Variants in THSD7B observed in about 807,000 individuals in gnomAD.
THSD7B encodes thrombospondin type-1 domain-containing protein 7B.
In THSD7B, 138 loss-of-function variants were observed where a neutral mutation model predicts 213.6. The observed-to-expected ratio is 0.65, with a 90% CI of 0.56 to 0.74. The LOEUF is 0.74. THSD7B is among the 30% of genes least tolerant of loss of function. The pLI is 0.00. For synonymous variants in THSD7B, 742 were observed against 687.0 expected (o/e 1.08, Z -1.25); for missense variants, 1,931 against 1,991.5 (o/e 0.97, Z 0.58).
intron 15 of THSD7B, among the ~76,000 whole-genome samples, chr2:137,464,755 A>C (rs1475512623): frequency 6.6e-6 from 1 of 151,900 alleles, no homozygotes; most frequent in African/African-American, 2.4e-5. Context: ...AAAATTATTT[A>C]TTTATTTATT....
intron 15 of THSD7B, among the ~76,000 whole-genome samples, chr2:137,453,416 G>T (rs1230296590): frequency 1.5e-5 from 2 of 130,594 alleles, no homozygotes; most frequent in East Asian, 4.6e-4. Flanking sequence ...TGCAAGCTCT[G>T]CCTCCTGGGT....
intron 2 of THSD7B, among the ~76,000 whole-genome samples, chr2:136,927,585 G>A (rs1267022979): frequency 6.6e-6 from 1 of 152,202 alleles, no homozygotes; most frequent in Non-Finnish European, 1.5e-5. Flanking sequence ...GCTTAATTTT[G>A]TCAAACTGCA....
At chr2:137,071,750 T>G (rs911755221) in intron 3 of THSD7B, among the ~76,000 whole-genome samples, 1 of 152,160 alleles carries the variant, frequency 6.6e-6, no homozygotes, top group South Asian at 2.1e-4. Context: ...GGTCTAACAT[T>G]TAAGTCTTTA....
At chr2:137,433,761 G>A (rs959431749) in intron 14 of THSD7B, among the ~76,000 whole-genome samples, 4 of 150,630 alleles carry the variant, frequency 2.7e-5, no homozygotes, top group Admixed American at 2.0e-4. Flanking sequence ...TAAATAAAAT[G>A]TATACTTTAT....
intron 1 of THSD7B, among the ~76,000 whole-genome samples, chr2:136,824,730 A>G (rs1227981630): frequency 2.0e-5 from 3 of 152,150 alleles, no homozygotes; most frequent in Non-Finnish European, 4.4e-5. Flanking sequence ...AGGTGATGAG[A>G]TCAGAATCAA....
intron 6 of THSD7B, among the ~76,000 whole-genome samples, chr2:137,166,159 G>A (rs568959384): frequency 2.6e-4 from 40 of 152,118 alleles, no homozygotes; most frequent in Non-Finnish European, 5.1e-4. Context: ...CCCTTCCATC[G>A]CGTCATGACA....
At chr2:136,795,561 A>G (rs1682045845) in intron 1 of THSD7B, among the ~76,000 whole-genome samples, 1 of 151,976 alleles carries the variant, frequency 6.6e-6, no homozygotes, top group African/African-American at 2.4e-5. Flanking sequence ...TATCCTGCCT[A>G]TTACACTAGC....
chr2:137,392,064 T>C (rs1686041561), intron 12 of THSD7B, among the ~76,000 whole-genome samples: 1 of 152,222 alleles, frequency 6.6e-6, no homozygotes, highest in Non-Finnish European at 1.5e-5. Flanking sequence ...AAAGTTCCTC[T>C]TGTTACCACC....
At chr2:137,608,615 C>T (rs1682231809) in intron 17 of THSD7B, among the ~76,000 whole-genome samples, 1 of 152,166 alleles carries the variant, frequency 6.6e-6, no homozygotes, top group Non-Finnish European at 1.5e-5. Context: ...ATGTTCAGCA[C>T]AGTTCTAGGT....
intron 2 of THSD7B, among the ~76,000 whole-genome samples, chr2:136,966,523 A>G (rs9287456): frequency 6.6e-6 from 1 of 152,008 alleles, no homozygotes; most frequent in African/African-American, 2.4e-5. Context: ...AGCCAACAAC[A>G]TGTCTTGAAT....
intron 14 of THSD7B, among the ~76,000 whole-genome samples, chr2:137,448,459 G>C (rs1036561389): frequency 6.6e-6 from 1 of 152,102 alleles, no homozygotes; most frequent in African/African-American, 2.4e-5. Flanking sequence ...ACGGGAGGGT[G>C]GGGGGAACAA....
At chr2:137,488,690 A>G (rs1238376980) in intron 15 of THSD7B, among the ~76,000 whole-genome samples, 1 of 152,254 alleles carries the variant, frequency 6.6e-6, no homozygotes, top group African/African-American at 2.4e-5. Context: ...TGAAGAAGCT[A>G]AGGCATCTTC....
chr2:137,003,777 G>A (rs999120337), intron 2 of THSD7B, among the ~76,000 whole-genome samples: 1 of 152,230 alleles, frequency 6.6e-6, no homozygotes, highest in African/African-American at 2.4e-5. Flanking sequence ...TCAGGTGAAA[G>A]GTATCAGTTC....
chr2:136,937,686 C>T (rs796945374), intron 2 of THSD7B, among the ~76,000 whole-genome samples: 8 of 152,248 alleles, frequency 5.3e-5, no homozygotes, highest in African/African-American at 1.9e-4. Context: ...TTTCTATTCA[C>T]TTATCTGCTT....
chr2:137,451,066 C>T (rs764883856), intron 15 of THSD7B, 43 bp downstream of exon 15: 7 of 1,459,680 alleles, frequency 4.8e-6, no homozygotes, highest in East Asian at 2.6e-5. Context: ...AAAAAGCTAT[C>T]CTCATTATTA....
intron 7 of THSD7B, among the ~76,000 whole-genome samples, chr2:137,171,485 A>C (rs866745543): frequency 1.3e-5 from 2 of 152,224 alleles, no homozygotes. Flanking sequence ...ACTATTAACA[A>C]TGATGTCTTT....
chr2:137,251,880 ATTGT>A (rs1277588341), intron 10 of THSD7B, among the ~76,000 whole-genome samples: 2 of 152,172 alleles, frequency 1.3e-5, no homozygotes, highest in Non-Finnish European at 1.5e-5. Context: ...AGACCAACAG[ATTGT>A]TTGAGAAATG....
intron 21 of THSD7B, among the ~76,000 whole-genome samples, chr2:137,649,975 G>T (rs1261837708): frequency 6.6e-6 from 1 of 152,004 alleles, no homozygotes; most frequent in Admixed American, 6.6e-5. Context: ...GGTGGTGGAT[G>T]TCTCTCATCC....
intron 9 of THSD7B, among the ~76,000 whole-genome samples, chr2:137,234,746 C>T (rs13018954): frequency 0.046 from 7,002 of 152,000 alleles, 200 homozygotes; most frequent in Admixed American, 0.069. Context: ...ATCGGTTTGC[C>T]AAGGATTGGA....
Sources: gnomAD v4.1 joint callset for allele counts (sites outside exome capture counted in the v4.1 genomes callset) on GRCh38, gnomAD v4.1.1 for gene constraint, MANE v1.5 for transcripts, NCBI Gene and HGNC (gene_info 2026-07-23, HGNC 2026-07-21) for gene names.